Variants in PCLO observed in about 807,000 individuals in gnomAD.
The protein encoded by PCLO is protein piccolo.
PCLO carries 82 observed loss-of-function variants against 427.5 expected under a neutral mutation model. The observed-to-expected ratio is 0.19, with a 90% CI of 0.16 to 0.23. The LOEUF (loss-of-function observed/expected upper bound fraction) is 0.23, where lower values mean the gene tolerates loss of function less well. Among genes scored for constraint, PCLO ranks in the 10% least tolerant of loss-of-function variants. The pLI is 1.00. For synonymous variants in PCLO, 2,357 were observed against 2,155.4 expected, an observed-to-expected ratio of 1.09 and a Z score of -2.59; for missense variants, 6,239 against 6,115.9, an observed-to-expected ratio of 1.02 and a Z score of -0.67.
chr7:82,984,408 CTGTGTGTGTGTGTGTG>C (rs5885327), intron 3 of PCLO, among the ~76,000 whole-genome samples: 10 of 135,868 alleles, frequency 7.4e-5, no homozygotes, highest in East Asian at 4.3e-4. Flanking sequence ...AATGTGGTGT[CTGTGTGTGTGTGTGTG>C]TGTGTGTGTG....
chr7:83,032,152 C>T (rs1402040689), intron 3 of PCLO, among the ~76,000 whole-genome samples: 1 of 152,166 alleles, frequency 6.6e-6, no homozygotes, highest in East Asian at 1.9e-4. Flanking sequence ...CTTTGCCTAT[C>T]AAACACTCAG....
chr7:82,818,382 G>A (rs1027010501), intron 20 of PCLO, among the ~76,000 whole-genome samples: 2 of 152,086 alleles, frequency 1.3e-5, no homozygotes, highest in Admixed American at 6.6e-5. Flanking sequence ...AGATGGACCC[G>A]CAGCCTTTTC....
At chr7:82,760,327 G>C (rs577251069) in intron 24 of PCLO, among the ~76,000 whole-genome samples, 171 of 151,992 alleles carry the variant, frequency 1.1e-3, no homozygotes, top group Non-Finnish European at 2.1e-3. Flanking sequence ...CAATAGGCCA[G>C]GTAAACAGAT....
intron 3 of PCLO, among the ~76,000 whole-genome samples, chr7:83,072,100 T>A (rs553439750): frequency 6.6e-6 from 1 of 152,048 alleles, no homozygotes; most frequent in African/African-American, 2.4e-5. Flanking sequence ...TAAAAAACAA[T>A]TATTTATCAT....
chr7:82,929,750 T>A (rs1446748395), intron 6 of PCLO, among the ~76,000 whole-genome samples: 1 of 152,214 alleles, frequency 6.6e-6, no homozygotes, highest in Non-Finnish European at 1.5e-5. Flanking sequence ...CAAAAACTAC[T>A]ATTATTTTAT....
intron 2 of PCLO, among the ~76,000 whole-genome samples, chr7:83,142,587 A>C (rs1172584739): frequency 6.6e-6 from 1 of 152,206 alleles, no homozygotes; most frequent in East Asian, 1.9e-4. Flanking sequence ...CCCGAACCAC[A>C]GCATTTAAAT....
chr7:83,061,058 T>C (rs1404327127), intron 3 of PCLO, among the ~76,000 whole-genome samples: 2 of 152,218 alleles, frequency 1.3e-5, no homozygotes, highest in African/African-American at 2.4e-5. Context: ...TAGTGGTGTG[T>C]AAAAAATTAT....
intron 10 of PCLO, among the ~76,000 whole-genome samples, chr7:82,856,695 A>G (rs571725498): frequency 6.6e-6 from 1 of 152,152 alleles, no homozygotes; most frequent in Non-Finnish European, 1.5e-5. Flanking sequence ...TCCTAGTTTA[A>G]TATCACAATT....
intron 3 of PCLO, among the ~76,000 whole-genome samples, chr7:83,125,877 T>C (rs1791425644): frequency 6.6e-6 from 1 of 151,106 alleles, no homozygotes; most frequent in African/African-American, 2.4e-5. Context: ...CCAAGAATGA[T>C]CAATAAATAC....
intron 2 of PCLO, among the ~76,000 whole-genome samples, chr7:83,144,607 T>A (rs1333377320): frequency 2.6e-5 from 4 of 152,142 alleles, no homozygotes; most frequent in African/African-American, 9.7e-5. Flanking sequence ...AAAATCTCAT[T>A]TTAAAATTAT....
intron 3 of PCLO, among the ~76,000 whole-genome samples, chr7:82,981,840 T>C (rs1025172319): frequency 2.6e-5 from 4 of 152,146 alleles, no homozygotes; most frequent in Admixed American, 2.0e-4. Flanking sequence ...TTGAACAGCA[T>C]TGGATTCTGA....
At chr7:83,030,119 G>GAAAAAAAAAA (rs199609017) in intron 3 of PCLO, among the ~76,000 whole-genome samples, 12 of 104,558 alleles carry the variant, frequency 1.1e-4, no homozygotes, top group East Asian at 2.8e-4. Context: ...AATAATAAAA[G>GAAAAAAAAAA]AAAAAAAAAA....
chr7:82,941,023 A>C (rs1201278117), intron 6 of PCLO, among the ~76,000 whole-genome samples: 1 of 151,520 alleles, frequency 6.6e-6, no homozygotes, highest in Non-Finnish European at 1.5e-5. Context: ...CGGCCTCCCA[A>C]AGTGCTGGGA....
At chr7:83,151,963 C>CT (rs533840622) in intron 2 of PCLO, among the ~76,000 whole-genome samples, 278 of 144,142 alleles carry the variant, frequency 1.9e-3, no homozygotes, top group Middle Eastern at 3.7e-3. Context: ...TACAAACTTA[C>CT]TTTTTTTTTT....
At chr7:82,768,150 C>T (rs1278550037) in intron 22 of PCLO, among the ~76,000 whole-genome samples, 3 of 152,066 alleles carry the variant, frequency 2.0e-5, no homozygotes, top group Non-Finnish European at 2.9e-5. Context: ...AGGCTGGGGA[C>T]GGTGGCTCAC....
chr7:82,778,590 A>G (rs1317745152), intron 22 of PCLO, among the ~76,000 whole-genome samples: 6 of 152,092 alleles, frequency 3.9e-5, no homozygotes, highest in Non-Finnish European at 8.8e-5. Flanking sequence ...CATCAGATAG[A>G]TATTTATTTT....
intron 9 of PCLO, among the ~76,000 whole-genome samples, chr7:82,887,875 C>T (rs1024464989): frequency 3.3e-5 from 5 of 152,048 alleles, no homozygotes; most frequent in African/African-American, 1.2e-4. Flanking sequence ...CAAGACCAGC[C>T]TGGCCAAGAT....
chr7:82,897,376 T>G (rs1387444066), intron 9 of PCLO, among the ~76,000 whole-genome samples: 1 of 151,598 alleles, frequency 6.6e-6, no homozygotes, highest in East Asian at 1.9e-4. Flanking sequence ...TTAAAGGATA[T>G]ATTTTTAAAA....
rs145445022 is a variant in PCLO at position 83,000,268 on chromosome 7, TGA to T, written c.3301-33783_3301-33782del. Among the ~76,000 whole-genome samples the T allele has an allele frequency of 8.4e-3, 454 of 54,020 alleles. 2 individuals are homozygous for T. Among genetic ancestry groups the T allele is most frequent in the Middle Eastern group, 0.015 (2 of 132 alleles). The allele number at this position is 54,020 out of a possible 152,430, so 35.4% of individuals were successfully genotyped here. On this transcript the variant is annotated intron_variant, in intron 3 of 24. Coordinates refer to ENST00000333891, the MANE Select transcript of PCLO (RefSeq NM_033026.6). ...GAGTAGAGTAAAATATTCAAAGTGT[TGA>T]GAGAGAGAGAGAGAGAGAGAGAGAG...
Sources: allele counts gnomAD v4.1 joint callset (sites outside exome capture counted in the v4.1 genomes callset), GRCh38; gene constraint gnomAD v4.1.1; transcripts MANE v1.5; gene names NCBI Gene and HGNC (gene_info 2026-07-23, HGNC 2026-07-21).